The following MCTP2 variants were observed in gnomAD, a reference collection of about 807,000 sequenced individuals.
The protein encoded by MCTP2 is multiple C2 and transmembrane domain-containing protein 2.
MCTP2 carries 132 observed loss-of-function variants against 111.6 expected under a neutral mutation model. That is an observed-to-expected ratio of 1.18 (90% CI 1.03 to 1.37). MCTP2 has a LOEUF of 1.37. Among genes scored for constraint, MCTP2 ranks in the 40% most tolerant of loss-of-function variants. MCTP2 has a pLI of 0.00. For synonymous variants in MCTP2, 395 were observed against 387.7 expected (o/e 1.02, Z -0.22); for missense variants, 1,183 against 1,067.9 (o/e 1.11, Z -1.50).
chr15:94,234,253 CA>C (rs2070388508), intron 1 of MCTP2, among the ~76,000 whole-genome samples: 1 of 152,106 alleles, frequency 6.6e-6, no homozygotes, highest in Non-Finnish European at 1.5e-5. Context: ...AAAAGGTAAA[CA>C]ATTTGGAGAC....
chr15:94,463,371 T>C (rs1399504340), intron 20 of MCTP2, among the ~76,000 whole-genome samples: 1 of 152,200 alleles, frequency 6.6e-6, no homozygotes, highest in Non-Finnish European at 1.5e-5. Context: ...CTAGTTTAAA[T>C]GGCATCTTTT....
At chr15:94,396,606 T>G (rs1356441252) in intron 14 of MCTP2, among the ~76,000 whole-genome samples, 1 of 152,138 alleles carries the variant, frequency 6.6e-6, no homozygotes, top group Non-Finnish European at 1.5e-5. Context: ...TAGTCTCTTC[T>G]GTTACTATCT....
intron 1 of MCTP2, among the ~76,000 whole-genome samples, chr15:94,268,856 T>A (rs1414939977): frequency 6.6e-6 from 1 of 151,542 alleles, no homozygotes. Context: ...TTATTTTTAA[T>A]CTTTTTGTAT....
At chr15:94,399,869 G>A (rs2081472337) in intron 15 of MCTP2, 52 bp from the exon 16 acceptor site, 1 of 1,489,890 alleles carries the variant, frequency 6.7e-7, no homozygotes, top group East Asian at 2.3e-5. Context: ...AAAACTAGGT[G>A]GATGAAGTCC....
intron 17 of MCTP2, among the ~76,000 whole-genome samples, chr15:94,406,430 T>C (rs1270499182): frequency 6.6e-6 from 1 of 152,214 alleles, no homozygotes; most frequent in Non-Finnish European, 1.5e-5. Flanking sequence ...TGTATTTACA[T>C]AGTGACACCG....
chr15:94,358,669 G>C lies in MCTP2; in HGVS notation c.1301+57G>C, dbSNP rs1293204798. 1.9e-6 allele frequency: 3 copies of C among 1,592,996 alleles called. No individual in the cohort carries two copies. The Admixed American group carries it at 5.2e-5, about 28-fold the overall frequency. ...CATGTTTCTGCATGGGGCTGGTTCT[G>C]AGAGGTGATCTTTATCTGTTAGGGC... On this transcript the variant is annotated intron_variant, in intron 10 of 22. Transcript: ENST00000357742.
At chr15:94,235,456 A>G (rs2070476182) in intron 1 of MCTP2, among the ~76,000 whole-genome samples, 1 of 152,188 alleles carries the variant, frequency 6.6e-6, no homozygotes, top group Admixed American at 6.5e-5. Flanking sequence ...GCATGCTAAA[A>G]TCTGAAAACC....
chr15:94,243,019 ATG>A lies in MCTP2; in HGVS notation c.-66+11359_-66+11360del, dbSNP rs1457401644. ...TGTGTATCTACACATACACGTGTAT[ATG>A]TGTATCTACACATACACGTGTATAT... is the stretch of plus-strand genomic sequence containing the variant. On this transcript the variant is annotated intron_variant, in intron 1 of 22. Transcript: ENST00000357742. Among the ~76,000 whole-genome samples the A allele has an allele frequency of 1.4e-4, 12 of 85,352 alleles. 1 individual carries two copies. Among genetic ancestry groups the A allele is most frequent in the African/African-American group, 5.7e-4 (12 of 20,962 alleles). The allele number at this position is 85,352 out of a possible 152,430, so 56.0% of individuals were successfully genotyped here.
intron 2 of MCTP2, among the ~76,000 whole-genome samples, chr15:94,300,478 C>G (rs1596303996): frequency 1.3e-5 from 2 of 148,650 alleles, no homozygotes; most frequent in Admixed American, 1.3e-4. Context: ...CCACTGCACT[C>G]CAGCCTGGGT....
chr15:94,440,165 C>T lies in MCTP2; in HGVS notation c.2086-11C>T, dbSNP rs1198522717. 4 of 1,613,312 alleles carry T rather than the reference C, an allele frequency of 2.5e-6. No homozygotes were observed. The highest frequency in any genetic ancestry group is 3.3e-5 in the Admixed American group (2 of 59,972). On this transcript the variant is annotated splice_polypyrimidine_tract_variant and intron_variant, in intron 17 of 22. Coordinates refer to ENST00000357742, the MANE Select transcript of MCTP2 (RefSeq NM_001385001.1). ...CAAGCAGTCGTGTATTCTTATTTGTCTTTCAATCAGGTATTTTTGATCACT... is the reference window on the plus strand; with the variant it reads ...CAAGCAGTCGTGTATTCTTATTTGTTTTTCAATCAGGTATTTTTGATCACT...
intron 20 of MCTP2, among the ~76,000 whole-genome samples, chr15:94,458,670 A>G (rs1230323235): frequency 6.6e-6 from 1 of 152,216 alleles, no homozygotes; most frequent in Non-Finnish European, 1.5e-5. Flanking sequence ...AAAGAAAGAT[A>G]CACATCTAGT....
intron 1 of MCTP2, among the ~76,000 whole-genome samples, chr15:94,290,988 C>T (rs910353340): frequency 2.0e-5 from 3 of 152,174 alleles, no homozygotes; most frequent in Non-Finnish European, 4.4e-5. Context: ...AATAGAAGAT[C>T]AGCAAGGACA....
At chr15:94,243,897 ATACACATACATATGTGTATATATT>A (rs1490307607) in intron 1 of MCTP2, among the ~76,000 whole-genome samples, 1 of 142,768 alleles carries the variant, frequency 7.0e-6, no homozygotes, top group Non-Finnish European at 1.6e-5. Flanking sequence ...ACATATATGT[ATACACATACATATGTGTATATATT>A]TACACATATG....
intron 1 of MCTP2, among the ~76,000 whole-genome samples, chr15:94,242,999 ATCTACACATACAC>A (rs2071126155): frequency 1.1e-5 from 1 of 95,228 alleles, no homozygotes; most frequent in Non-Finnish European, 2.3e-5. Context: ...GTATATGTGT[ATCTACACATACAC>A]GTGTATATGT....
rs1031462181 is a variant in MCTP2 at position 94,481,392 on chromosome 15, C to CTGT, written c.*2362_*2364dup. On this transcript the variant is annotated 3_prime_UTR_variant, in exon 23 of 23. Coordinates refer to ENST00000357742, the MANE Select transcript of MCTP2 (RefSeq NM_001385001.1). Reference sequence around the variant, plus strand: ...ATCCTCTTTTTTTTTGTTCCTCGTGCTGTTGTCCTCGTCTCCCAACCCCTA... The same window carrying CTGT: ...ATCCTCTTTTTTTTTGTTCCTCGTGCTGTTGTTGTCCTCGTCTCCCAACCCCTA... 19 of 152,314 alleles carry CTGT rather than the reference C, an allele frequency of 1.2e-4. No homozygotes were observed. Among genetic ancestry groups the CTGT allele is most frequent in the African/African-American group, 4.6e-4 (19 of 41,544 alleles). The allele number at this position is 152,314 out of a possible 1,614,324, so 9.4% of individuals were successfully genotyped here.
chr15:94,245,567 T>C lies in MCTP2; in HGVS notation c.-66+13903T>C, dbSNP rs893111271. 2.1e-5 allele frequency among the ~76,000 whole-genome samples: 3 copies of C among 144,404 alleles called. No homozygotes were observed. The South Asian group carries it at 6.4e-4, about 31-fold the overall frequency. 94.7% of individuals were successfully genotyped at this position (144,404 alleles called of 152,430 possible). On this transcript the variant is annotated intron_variant, in intron 1 of 22. Coordinates refer to ENST00000357742, the MANE Select transcript of MCTP2 (RefSeq NM_001385001.1). The stretch of plus-strand genomic sequence containing the variant: ...ATATATTTATATATGTATACATATA[T>C]GTATATATACGTATATGTACATATA...
chr15:94,476,586 TAGATAGATGATTGACTGAC>T, intron 21 of MCTP2, 91 bp from the exon 22 acceptor site: 1 of 701,888 alleles, frequency 1.4e-6, no homozygotes, highest in East Asian at 2.7e-5. Context: ...AGATGCTAGA[TAGATAGATGATTGACTGAC>T]AGATAGATAG....
intron 22 of MCTP2, among the ~76,000 whole-genome samples, chr15:94,478,217 C>T (rs2074519424): frequency 6.6e-6 from 1 of 152,176 alleles, no homozygotes; most frequent in Non-Finnish European, 1.5e-5. Context: ...CAGAAATTTC[C>T]CTCAAGCCCC....
In MCTP2 at chr15:94,399,625, G is replaced by A. The variant is rs558876901; in HGVS notation, c.1891-296G>A. Reference sequence around the variant, plus strand: ...GAAGGAAGTTTTATCTTTTACGGACGTTAGTTTGAAAAATTCATGAACCTC... The same window carrying A: ...GAAGGAAGTTTTATCTTTTACGGACATTAGTTTGAAAAATTCATGAACCTC... On this transcript the variant is annotated intron_variant, in intron 15 of 22. Coordinates refer to ENST00000357742, the MANE Select transcript of MCTP2 (RefSeq NM_001385001.1). 3.2e-4 allele frequency: 80 copies of A among 252,716 alleles called. 1 individual carries two copies. The East Asian group carries it at 5.2e-3, about 16-fold the overall frequency. 15.7% of individuals were successfully genotyped at this position (252,716 alleles called of 1,614,324 possible).
Sources: allele counts gnomAD v4.1 joint callset (sites outside exome capture counted in the v4.1 genomes callset), GRCh38; gene constraint gnomAD v4.1.1; transcripts MANE v1.5; gene names NCBI Gene and HGNC (gene_info 2026-07-23, HGNC 2026-07-21).